The following PDSS2 variants were observed in gnomAD, a reference collection of about 807,000 sequenced individuals.
PDSS2 encodes the protein decaprenyl diphosphate synthase subunit 2, also known as all trans-polyprenyl-diphosphate synthase PDSS2.
In PDSS2, 31 loss-of-function variants were observed where a neutral mutation model predicts 44.5. The ratio of observed to expected loss-of-function variants is 0.70; its 90% CI spans 0.52 to 0.94. The LOEUF (loss-of-function observed/expected upper bound fraction) is 0.94. Among genes scored for constraint, PDSS2 ranks in the 40% least tolerant of loss-of-function variants. The pLI is 0.00. For synonymous variants in PDSS2, 157 were observed against 180.3 expected (o/e 0.87, Z 1.03); for missense variants, 452 against 482.2 (o/e 0.94, Z 0.59).
At chr6:107,337,333 C>T (rs769898320) in intron 1 of PDSS2, among the ~76,000 whole-genome samples, 3 of 152,128 alleles carry the variant, frequency 2.0e-5, no homozygotes, top group Non-Finnish European at 2.9e-5. Context: ...GGCCAACAGG[C>T]TCTAGAGTCT....
chr6:107,385,229 A>G (rs1388910087), intron 1 of PDSS2, among the ~76,000 whole-genome samples: 1 of 152,006 alleles, frequency 6.6e-6, no homozygotes, highest in Non-Finnish European at 1.5e-5. Flanking sequence ...AATTAAAAAC[A>G]TCCTTCTGCC....
At chr6:107,366,233 G>C (rs1221841132) in intron 1 of PDSS2, among the ~76,000 whole-genome samples, 3 of 151,902 alleles carry the variant, frequency 2.0e-5, no homozygotes, top group Non-Finnish European at 4.4e-5. Context: ...AAAGAAATAG[G>C]GGAAAACCCA....
At chr6:107,359,725 A>G (rs565775338) in intron 1 of PDSS2, among the ~76,000 whole-genome samples, 3 of 152,042 alleles carry the variant, frequency 2.0e-5, no homozygotes, top group African/African-American at 7.2e-5. Context: ...CATATTCAAT[A>G]TCAAGGTATG....
Position 107,448,222 on chromosome 6 carries a change from C to T in PDSS2, c.296+10768G>A, listed in dbSNP as rs549309852. Among the ~76,000 whole-genome samples the T allele has an allele frequency of 3.9e-5, 6 of 152,252 alleles. No individual in the cohort carries two copies. The South Asian group carries it at 1.2e-3, about 32-fold the overall frequency. On this transcript the variant is annotated intron_variant, in intron 1 of 7. Transcript: ENST00000369037. The stretch of plus-strand genomic sequence containing the variant: ...CATTGTCTTGGCAATTAGCATTTGG[C>T]TCCTCATTACTTATGCAAATTTGTG...
chr6:107,425,392 C>T (rs1397780224), intron 1 of PDSS2, among the ~76,000 whole-genome samples: 4 of 152,146 alleles, frequency 2.6e-5, no homozygotes, highest in African/African-American at 9.7e-5. Flanking sequence ...GACAAAAATG[C>T]TGACAGTGAT....
intron 1 of PDSS2, among the ~76,000 whole-genome samples, chr6:107,363,374 T>G (rs556168761): frequency 1.3e-5 from 2 of 152,166 alleles, no homozygotes; most frequent in Non-Finnish European, 2.9e-5. Context: ...CCTTCTGATG[T>G]TCAGATGTGT....
chr6:107,316,842 C>A (rs976989648), intron 2 of PDSS2, among the ~76,000 whole-genome samples: 2 of 152,246 alleles, frequency 1.3e-5, no homozygotes, highest in Admixed American at 6.5e-5. Flanking sequence ...ATATTGTGCA[C>A]ATAAAACTTT....
intron 4 of PDSS2, among the ~76,000 whole-genome samples, chr6:107,217,671 A>G (rs1201741818): frequency 1.3e-5 from 2 of 152,180 alleles, no homozygotes. Context: ...TATCAAAATT[A>G]TAAGTGAATT....
chr6:107,368,804 A>G (rs1456519226), intron 1 of PDSS2, among the ~76,000 whole-genome samples: 2 of 152,196 alleles, frequency 1.3e-5, no homozygotes, highest in Non-Finnish European at 2.9e-5. Context: ...CTCTCAAAAA[A>G]AGAAATTGAT....
At chr6:107,378,975 A>C (rs779382198) in intron 1 of PDSS2, among the ~76,000 whole-genome samples, 1 of 152,122 alleles carries the variant, frequency 6.6e-6, no homozygotes, top group Non-Finnish European at 1.5e-5. Context: ...AGTGTTTATC[A>C]AGTTTCTTCA....
intron 3 of PDSS2, among the ~76,000 whole-genome samples, chr6:107,256,649 A>T (rs1353103175): frequency 6.6e-6 from 1 of 152,172 alleles, no homozygotes; most frequent in African/African-American, 2.4e-5. Flanking sequence ...CCACAAATCA[A>T]TGGAATTCTA....
rs76613202 is a variant in PDSS2, at chr6:107,340,430, T to C, written c.297-6098A>G. ...TCACTGCATCATATCCTTCCACAGC[T>C]ACTAACAAATTTACATTCCTTCATC... is the stretch of plus-strand genomic sequence containing the variant. On this transcript the variant is annotated intron_variant, in intron 1 of 7. Coordinates refer to ENST00000369037, the MANE Select transcript of PDSS2 (RefSeq NM_020381.4). Among the ~76,000 whole-genome samples, 1,255 of 152,324 alleles carry C rather than the reference T, an allele frequency of 8.2e-3. 21 individuals are homozygous for C. Among genetic ancestry groups the C allele is most frequent in the African/African-American group, 0.027 (1,110 of 41,576 alleles).
chr6:107,301,921 C>CAAAA (rs10592658), intron 2 of PDSS2, among the ~76,000 whole-genome samples: 5 of 78,644 alleles, frequency 6.4e-5, no homozygotes, highest in East Asian at 4.4e-4. Context: ...GACTCTATCT[C>CAAAA]AAAAAAAAAA....
intron 2 of PDSS2, among the ~76,000 whole-genome samples, chr6:107,293,576 A>T (rs1776416139): frequency 6.6e-6 from 1 of 152,132 alleles, no homozygotes; most frequent in Non-Finnish European, 1.5e-5. Context: ...AGGATTAAAG[A>T]ACTGATTACA....
chr6:107,212,353 TA>T lies in PDSS2; in HGVS notation c.703-72del, dbSNP rs1773250830. On this transcript the variant is annotated intron_variant, in intron 4 of 7. Coordinates refer to ENST00000369037, the MANE Select transcript of PDSS2 (RefSeq NM_020381.4). ...TTTAATTGTTTCTGTTTTTGAAGAA[TA>T]AAAAAGTTAAGAAACGAACTATTCA... 15 of 1,291,916 alleles carry T rather than the reference TA, an allele frequency of 1.2e-5. No individual in the cohort carries two copies. In the East Asian group the frequency reaches 3.5e-4, roughly 30 times the overall value. 80.0% of individuals were successfully genotyped at this position (1,291,916 alleles called of 1,614,324 possible).
chr6:107,222,096 A>G (rs1387745206), intron 4 of PDSS2, among the ~76,000 whole-genome samples: 1 of 152,218 alleles, frequency 6.6e-6, no homozygotes, highest in Non-Finnish European at 1.5e-5. Flanking sequence ...CTAATGACCC[A>G]TTTCACCATG....
chr6:107,229,152 C>T (rs1773944071), intron 4 of PDSS2, among the ~76,000 whole-genome samples: 1 of 151,714 alleles, frequency 6.6e-6, no homozygotes, highest in Non-Finnish European at 1.5e-5. Context: ...ACATTTTTAA[C>T]TCCAAGGAAA....
At chr6:107,402,136 C>T (rs9486608) in intron 1 of PDSS2, among the ~76,000 whole-genome samples, 10,513 of 151,624 alleles carry the variant, frequency 0.069, 427 homozygotes, top group Non-Finnish European at 0.092. Flanking sequence ...AAAAATTAGC[C>T]AGCTGTGGTG....
intron 1 of PDSS2, among the ~76,000 whole-genome samples, chr6:107,429,896 AAAAAAATATATATATAT>A (rs1452009914): frequency 2.2e-5 from 1 of 44,790 alleles, no homozygotes; most frequent in East Asian, 8.5e-4. Context: ...AAAAAAAAAA[AAAAAAATATATATATAT>A]ATATATATAT....
Sources: gnomAD v4.1 joint callset for allele counts (sites outside exome capture counted in the v4.1 genomes callset) on GRCh38, gnomAD v4.1.1 for gene constraint, MANE v1.5 for transcripts, NCBI Gene and HGNC (gene_info 2026-07-23, HGNC 2026-07-21) for gene names.